Variants in PPP2R2C observed in about 807,000 individuals in gnomAD.
PPP2R2C encodes protein phosphatase 2, regulatory subunit B, gamma.
A neutral mutation model predicts 45.3 loss-of-function variants in PPP2R2C; 10 were observed. The ratio of observed to expected loss-of-function variants is 0.22; its 90% CI spans 0.14 to 0.37. PPP2R2C has a LOEUF of 0.37. Ranked by LOEUF, PPP2R2C falls within the 10% of genes least tolerant of loss-of-function variation. The probability of loss-of-function intolerance (pLI) is 1.00; values close to 1 mark genes in which losing one functional copy is unlikely to be tolerated. For missense variants in PPP2R2C, 308 were observed against 619.7 expected, an observed-to-expected ratio of 0.50 and a Z score of 5.34; for synonymous variants, 257 against 245.4, an observed-to-expected ratio of 1.05 and a Z score of -0.44.
chr4:6,367,826 T>G (rs964151828), intron 5 of PPP2R2C, among the ~76,000 whole-genome samples: 3 of 152,138 alleles, frequency 2.0e-5, no homozygotes, highest in African/African-American at 7.2e-5. Flanking sequence ...CCCCAATGAA[T>G]AGATCCAATC....
intron 1 of PPP2R2C, among the ~76,000 whole-genome samples, chr4:6,411,462 C>A (rs554544529): frequency 1.1e-4 from 17 of 152,286 alleles, no homozygotes; most frequent in Admixed American, 7.8e-4. Flanking sequence ...CTGCTCCGTG[C>A]TAATTCCATT....
chr4:6,372,593 G>C lies in PPP2R2C; in HGVS notation c.555C>G (p.Cys185Trp). ...GGTCATCCGCCGACATGTAGGTCTC[G>C]CAGTCACTGTTGACGGAGATGGAGT... ...HINSISVNSDCETYMSADDLR... is the reference protein window; with the variant it reads ...HINSISVNSDWETYMSADDLR... The change falls in exon 5 of 9, where the codon TGC becomes TGG. Residue 185 changes from cysteine to tryptophan, a missense_variant. By Grantham distance (215) the Cys-to-Trp change is radical (BLOSUM62 -2). Transcript: ENST00000382599. The C allele has an allele frequency of 6.2e-7, 1 of 1,614,196 alleles. No individual in the cohort carries two copies. Among genetic ancestry groups the C allele is most frequent in the Non-Finnish European group, 8.5e-7 (1 of 1,180,030 alleles).
At chr4:6,468,989 C>A (rs139403861) in intron 1 of PPP2R2C, among the ~76,000 whole-genome samples, 1 of 150,220 alleles carries the variant, frequency 6.7e-6, no homozygotes, top group Non-Finnish European at 1.5e-5. Flanking sequence ...TCTCTGTGCC[C>A]CCAGGTGGCC....
intron 1 of PPP2R2C, among the ~76,000 whole-genome samples, chr4:6,556,731 T>C (rs66497329): frequency 0.2 from 24,668 of 122,712 alleles, 1,955 homozygotes; most frequent in Admixed American, 0.22. Context: ...CAGGCTGTGG[T>C]TCCTCCCCAG....
intron 2 of PPP2R2C, among the ~76,000 whole-genome samples, chr4:6,488,111 A>G (rs1007708796): frequency 6.6e-6 from 1 of 152,168 alleles, no homozygotes; most frequent in Non-Finnish European, 1.5e-5. Flanking sequence ...TTGTATGTCC[A>G]ATCTTTCCTC....
intron 5 of PPP2R2C, chr4:6,351,250 T>C (rs560987063): frequency 1.4e-3 from 721 of 530,212 alleles, no homozygotes; most frequent in South Asian, 2.0e-3. Flanking sequence ...GAGGCAGAGG[T>C]TGCAGTGAGC....
chr4:6,477,760 C>G (rs1329584765), intron 2 of PPP2R2C, among the ~76,000 whole-genome samples: 1 of 144,816 alleles, frequency 6.9e-6, no homozygotes, highest in African/African-American at 2.5e-5. Flanking sequence ...AAAACTGGAA[C>G]TGGACCTCCT....
intron 1 of PPP2R2C, among the ~76,000 whole-genome samples, chr4:6,410,164 C>T (rs958163056): frequency 3.9e-5 from 6 of 152,196 alleles, no homozygotes; most frequent in Non-Finnish European, 8.8e-5. Context: ...GAGCCCTCCC[C>T]ACAGCCTCAG....
At chr4:6,394,289 T>TA (rs1236141561) in intron 1 of PPP2R2C, among the ~76,000 whole-genome samples, 1 of 152,178 alleles carries the variant, frequency 6.6e-6, no homozygotes, top group African/African-American at 2.4e-5. Context: ...TCCTAATCTC[T>TA]AAAATGGGTT....
chr4:6,383,394 A>T, intron 1 of PPP2R2C: 1 of 1,289,776 alleles, frequency 7.8e-7, no homozygotes. Context: ...ACTCAGCAAA[A>T]GGTACCTCCT....
At chr4:6,401,861 G>C (rs1183090622) in intron 1 of PPP2R2C, among the ~76,000 whole-genome samples, 1 of 152,168 alleles carries the variant, frequency 6.6e-6, no homozygotes, top group Admixed American at 6.5e-5. Context: ...GAAGCTACCT[G>C]CCGATGCCAG....
rs987294934 is a variant in PPP2R2C, at chr4:6,368,343, C to A, written c.625+4180G>T. Among the ~76,000 whole-genome samples the A allele has an allele frequency of 6.6e-6, 1 of 152,196 alleles. No individual in the cohort carries two copies. The highest frequency in any genetic ancestry group is 2.4e-5 in the African/African-American group (1 of 41,434). ...GCTGGGCCACCGACTCCCTGTAGCACCCACGGACCACCTGCTCCAATGCCG... is the reference window on the plus strand; with the variant it reads ...GCTGGGCCACCGACTCCCTGTAGCAACCACGGACCACCTGCTCCAATGCCG... On this transcript the variant is annotated intron_variant, in intron 5 of 8. Transcript: ENST00000382599. The surrounding 1 kb of genome is among the most constrained non-coding windows in gnomAD (Gnocchi z 4.2).
At chr4:6,517,210 C>G (rs937383637) in intron 2 of PPP2R2C, among the ~76,000 whole-genome samples, 1 of 152,120 alleles carries the variant, frequency 6.6e-6, no homozygotes, top group African/African-American at 2.4e-5. Flanking sequence ...ACTGATCTTC[C>G]CCTGTGATGC....
At position 6,551,143 on chromosome 4, in the gene PPP2R2C, GC is replaced by G. The variant is rs76883505; in HGVS notation, c.-59+12416del. Among the ~76,000 whole-genome samples the G allele has an allele frequency of 1.5e-4, 23 of 152,328 alleles. No homozygotes were observed. In the East Asian group the frequency reaches 4.4e-3, roughly 29 times the overall value. ...GGTGAGCCTCTTCCCCTTTTGTGCT[GC>G]AGTATCCACATGTGTAAGCTGGGGA... On this transcript the variant is annotated intron_variant, in intron 1 of 9. Transcript: ENST00000506140.
chr4:6,404,848 G>C (rs936787237), intron 1 of PPP2R2C, among the ~76,000 whole-genome samples: 2 of 152,196 alleles, frequency 1.3e-5, no homozygotes, highest in Admixed American at 6.5e-5. Context: ...GGCTGCATGC[G>C]TGCTAAGAGG....
chr4:6,515,049 C>T (rs1407143395), intron 2 of PPP2R2C, among the ~76,000 whole-genome samples: 1 of 152,092 alleles, frequency 6.6e-6, no homozygotes, highest in Admixed American at 6.6e-5. Context: ...ATTACATCTG[C>T]AAAGACCCAA....
rs1037257659 is a variant in PPP2R2C, at chr4:6,331,495, T to C, written c.960+2067A>G. On this transcript the variant is annotated intron_variant, in intron 7 of 8. Coordinates refer to ENST00000382599, the MANE Select transcript of PPP2R2C (RefSeq NM_020416.4). The surrounding 1 kb of genome is among the most constrained non-coding windows in gnomAD (Gnocchi z 5.9). ...ACCACAGAGGCTGTTAAACCATTAA[T>C]CTTCCCAGCCACTATGGTGGCTGCC... 7.9e-5 allele frequency among the ~76,000 whole-genome samples: 12 copies of C among 152,278 alleles called. No individual in the cohort carries two copies. The highest frequency in any genetic ancestry group is 1.6e-4 in the Non-Finnish European group (11 of 68,018).
chr4:6,514,005 G>A (rs569203003), intron 2 of PPP2R2C, among the ~76,000 whole-genome samples: 13 of 152,220 alleles, frequency 8.5e-5, no homozygotes, highest in Non-Finnish European at 1.5e-4. Context: ...CAGATGGGGT[G>A]TATAATTGGG....
chr4:6,549,767 T>A (rs1052939993), intron 1 of PPP2R2C, among the ~76,000 whole-genome samples: 1 of 152,176 alleles, frequency 6.6e-6, no homozygotes, highest in Non-Finnish European at 1.5e-5. Context: ...TGAGCTACTT[T>A]CCCACGTAGG....
Sources: allele counts gnomAD v4.1 joint callset (sites outside exome capture counted in the v4.1 genomes callset), GRCh38; gene constraint gnomAD v4.1.1; non-coding constraint Gnocchi (gnomAD v3.1); transcripts MANE v1.5; gene names NCBI Gene and HGNC (gene_info 2026-07-23, HGNC 2026-07-21).